Variants in EFHD1 observed in about 807,000 individuals in gnomAD.
EFHD1 encodes EF-hand domain-containing protein D1.
In EFHD1, 10 loss-of-function variants were observed where a neutral mutation model predicts 17.2. That is an observed-to-expected ratio of 0.58 (90% confidence interval 0.36 to 0.99). The LOEUF is 0.99. Ranked by LOEUF, EFHD1 falls within the 50% of genes least tolerant of loss-of-function variation. The probability of loss-of-function intolerance (pLI) is 0.01; values close to 1 mark genes in which losing one functional copy is unlikely to be tolerated. For synonymous variants in EFHD1, 153 were observed against 142.0 expected, an observed-to-expected ratio of 1.08 and a Z score of -0.55; for missense variants, 310 against 327.5, an observed-to-expected ratio of 0.95 and a Z score of 0.41.
intron 2 of EFHD1, among the ~76,000 whole-genome samples, chr2:232,664,266 G>A (rs1437519170): frequency 6.6e-6 from 1 of 151,738 alleles, no homozygotes; most frequent in Non-Finnish European, 1.5e-5. Context: ...AGCCTCTTGA[G>A]TAGCTGGGAC....
At chr2:232,639,078 C>A (rs1382489173) in intron 1 of EFHD1, among the ~76,000 whole-genome samples, 1 of 152,160 alleles carries the variant, frequency 6.6e-6, no homozygotes, top group Non-Finnish European at 1.5e-5. Context: ...GAAGGAGCTT[C>A]CACAGTTGCT....
intron 1 of EFHD1, among the ~76,000 whole-genome samples, chr2:232,617,494 A>AG (rs1198405844): frequency 6.6e-6 from 1 of 151,016 alleles, no homozygotes; most frequent in Non-Finnish European, 1.5e-5. Flanking sequence ...CTAAAAAAAA[A>AG]TACAAAAAAA....
chr2:232,643,817 G>A (rs1245885602), intron 1 of EFHD1, among the ~76,000 whole-genome samples: 1 of 152,140 alleles, frequency 6.6e-6, no homozygotes, highest in African/African-American at 2.4e-5. Context: ...CTGAGTAGCT[G>A]GGATTATAGG....
At chr2:232,644,232 G>A (rs111604045) in intron 1 of EFHD1, among the ~76,000 whole-genome samples, 122 of 152,212 alleles carry the variant, frequency 8.0e-4, no homozygotes, top group African/African-American at 2.7e-3. Context: ...CTTAGAAAAC[G>A]TTTGGCTGCT....
At chr2:232,625,932 T>C (rs527538650) in intron 1 of EFHD1, among the ~76,000 whole-genome samples, 98 of 152,300 alleles carry the variant, frequency 6.4e-4, no homozygotes, top group Middle Eastern at 3.4e-3. Context: ...GACTCACACC[T>C]GTAATCCCAG....
In EFHD1 at chr2:232,681,900, C is replaced by T. The variant is rs1278776055; in HGVS notation, c.*181C>T. The T allele has an allele frequency of 2.0e-6, 2 of 993,112 alleles. No homozygotes were observed. The highest frequency in any genetic ancestry group is 2.8e-6 in the Non-Finnish European group (2 of 708,876). The allele number at this position is 993,112 out of a possible 1,614,324, so 61.5% of individuals were successfully genotyped here. A position where few individuals can be genotyped will look rare whatever the true frequency, so the allele number is the denominator to read the frequency against. On this transcript the variant is annotated 3_prime_UTR_variant, in exon 4 of 4. Coordinates refer to ENST00000264059, the MANE Select transcript of EFHD1 (RefSeq NM_025202.4). The stretch of plus-strand genomic sequence containing the variant: ...AGTGTCCAAGCCCCTCCAGGAGGGT[C>T]CTGGGGTGGGCCAGATGCCTGCCCA...
intron 1 of EFHD1, among the ~76,000 whole-genome samples, chr2:232,618,558 C>A (rs569495315): frequency 6.6e-6 from 1 of 151,196 alleles, no homozygotes; most frequent in South Asian, 2.1e-4. Context: ...CCTGTCTCTA[C>A]TAAAAATACA....
At chr2:232,610,064 C>A (rs78112880) in intron 1 of EFHD1, among the ~76,000 whole-genome samples, 2,069 of 152,316 alleles carry the variant, frequency 0.014, 47 homozygotes, top group African/African-American at 0.047. Context: ...CAGGGCACAG[C>A]GCCTGTCCCG....
intron 2 of EFHD1, 55 bp from the exon 3 acceptor site, chr2:232,672,254 G>T: frequency 3.7e-6 from 6 of 1,612,734 alleles, no homozygotes; most frequent in Non-Finnish European, 5.1e-6. Context: ...CAGAGGGCTG[G>T]TTATGAATCT....
chr2:232,669,663 C>T (rs1027144693), intron 2 of EFHD1, among the ~76,000 whole-genome samples: 2 of 147,732 alleles, frequency 1.4e-5, no homozygotes, highest in African/African-American at 2.5e-5. Flanking sequence ...TGCAATGGTA[C>T]GACCTCGGCT....
chr2:232,669,583 C>A lies in EFHD1; in HGVS notation c.451-2726C>A, dbSNP rs1023117191. Among the ~76,000 whole-genome samples the A allele has an allele frequency of 6.9e-5, 10 of 145,240 alleles. No homozygotes were observed. The South Asian group carries it at 2.2e-3, about 32-fold the overall frequency. On this transcript the variant is annotated intron_variant, in intron 2 of 3. Coordinates refer to ENST00000264059, the MANE Select transcript of EFHD1 (RefSeq NM_025202.4). ...CTATCACTCTACTTTAAGTAGTGTTCTTTTCCCTTTTGAGAAGGCTTTTTT... is the reference window on the plus strand; with the variant it reads ...CTATCACTCTACTTTAAGTAGTGTTATTTTCCCTTTTGAGAAGGCTTTTTT...
intron 1 of EFHD1, among the ~76,000 whole-genome samples, chr2:232,617,608 C>T (rs1479471651): frequency 3.2e-4 from 48 of 147,864 alleles, no homozygotes; most frequent in African/African-American, 1.2e-3. Flanking sequence ...GAGCCGAGAT[C>T]GCCCACTGCA....
chr2:232,631,705 AAC>A (rs1559341676), upstream of EFHD1, among the ~76,000 whole-genome samples: 1 of 139,620 alleles, frequency 7.2e-6, no homozygotes, highest in Admixed American at 7.0e-5. Flanking sequence ...AAAAAAAAAA[AAC>A]AAAAACAAAA....
chr2:232,620,159 C>T (rs868226370), intron 1 of EFHD1, among the ~76,000 whole-genome samples: 2 of 151,084 alleles, frequency 1.3e-5, no homozygotes, highest in African/African-American at 4.9e-5. Flanking sequence ...GAGGCTGAGG[C>T]GGGTGGATCA....
intron 3 of EFHD1, among the ~76,000 whole-genome samples, chr2:232,678,271 GA>G (rs200975760): frequency 0.037 from 4,932 of 134,428 alleles, 179 homozygotes; most frequent in East Asian, 0.22. Context: ...ATCTCAAAAA[GA>G]AAAAAAAAAA....
chr2:232,638,097 T>C lies in EFHD1; in HGVS notation c.302+4091T>C, dbSNP rs140770069. The C allele has an allele frequency of 1.7e-3, 419 of 246,804 alleles. 1 individual carries two copies. Among genetic ancestry groups the C allele is most frequent in the African/African-American group, 8.9e-3 (400 of 45,100 alleles). The allele number at this position is 246,804 out of a possible 1,614,324, so 15.3% of individuals were successfully genotyped here. On this transcript the variant is annotated intron_variant, in intron 1 of 3. Coordinates refer to ENST00000264059, the MANE Select transcript of EFHD1 (RefSeq NM_025202.4). ...TACTGGATAGCCTGAGCCAAGAGAA[T>C]AGTGGCCTGATTTTAAAAGAATGAG...
At chr2:232,677,262 A>G (rs1477155741) in intron 3 of EFHD1, among the ~76,000 whole-genome samples, 2 of 74,754 alleles carry the variant, frequency 2.7e-5, no homozygotes, top group African/African-American at 4.5e-5. Flanking sequence ...ACATCTTTCT[A>G]TAACACACAC....
chr2:232,631,262 TTCTCTCTCTCTCTCTCTCTTTCTTTC>T (rs1171936586), upstream of EFHD1, among the ~76,000 whole-genome samples: 9 of 148,896 alleles, frequency 6.0e-5, no homozygotes, highest in Admixed American at 6.0e-4. Flanking sequence ...CATGCAAAGT[TTCTCTCTCTCTCTCTCTCTTTCTTTC>T]TCTCTCTCTC....
chr2:232,675,406 C>T (rs1695154472), intron 3 of EFHD1, among the ~76,000 whole-genome samples: 1 of 152,162 alleles, frequency 6.6e-6, no homozygotes, highest in Admixed American at 6.5e-5. Context: ...GAGCTCCAGC[C>T]TCCCTGAGGC....
Sources: gnomAD v4.1 joint callset for allele counts (sites outside exome capture counted in the v4.1 genomes callset) on GRCh38, gnomAD v4.1.1 for gene constraint, MANE v1.5 for transcripts, NCBI Gene and HGNC (gene_info 2026-07-23, HGNC 2026-07-21) for gene names.